The following NBPF10 variants were observed in gnomAD, a reference collection of about 807,000 sequenced individuals.
NBPF10 encodes the protein NBPF family member NBPF10.
NBPF10 carries 63 observed loss-of-function variants against 77.9 expected under a neutral mutation model. The observed-to-expected ratio is 0.81, with a 90% CI of 0.66 to 1.00. The LOEUF (loss-of-function observed/expected upper bound fraction) is 1.00, where lower values mean the gene tolerates loss of function less well. NBPF10 is among the 50% of genes least tolerant of loss of function. The pLI is 0.00. For synonymous variants in NBPF10, 146 were observed against 264.5 expected (o/e 0.55, Z 4.35); for missense variants, 522 against 679.8 (o/e 0.77, Z 2.58).
intron 88 of NBPF10, 48 bp from the exon 89 acceptor site, chr1:146,067,336 C>A (rs782120756): frequency 4.3e-6 from 2 of 460,130 alleles, no homozygotes; most frequent in Admixed American, 3.8e-5. Context: ...GATTCCCCTA[C>A]ACACATAAAA....
chr1:146,121,874 C>G (rs113228763), intron 19 of NBPF10, among the ~76,000 whole-genome samples: 3 of 141,786 alleles, frequency 2.1e-5, no homozygotes, highest in Non-Finnish European at 3.1e-5. Context: ...GAGAGAGAGA[C>G]AGAGACAGAG....
chr1:146,126,530 A>T, intron 13 of NBPF10, 122 bp from the exon 14 acceptor site: 1 of 713,326 alleles, frequency 1.4e-6, no homozygotes, highest in Non-Finnish European at 2.6e-6. Context: ...TCCATTAATG[A>T]GGTAACAAAT....
At chr1:146,137,636 G>A (rs1368837338) in intron 6 of NBPF10, among the ~76,000 whole-genome samples, 18 of 131,882 alleles carry the variant, frequency 1.4e-4, no homozygotes, top group African/African-American at 4.0e-4. Flanking sequence ...TGATCTGCCC[G>A]CCTCAGCCTC....
chr1:146,126,567 G>C (rs199621927), intron 13 of NBPF10, among the ~76,000 whole-genome samples, 159 bp from the exon 14 acceptor site: 2 of 147,296 alleles, frequency 1.4e-5, no homozygotes, highest in South Asian at 2.2e-4. Flanking sequence ...GGATTGACTA[G>C]GGCCAGGTAG....
At chr1:146,139,433 G>A (rs587772299) in intron 5 of NBPF10, among the ~76,000 whole-genome samples, 1 of 151,066 alleles carries the variant, frequency 6.6e-6, no homozygotes, top group South Asian at 2.1e-4. Context: ...GCTAAGACAA[G>A]CCAATGAAAA....
chr1:146,139,299 CG>C, intron 5 of NBPF10, among the ~76,000 whole-genome samples: 1 of 149,874 alleles, frequency 6.7e-6, no homozygotes, highest in South Asian at 2.2e-4. Flanking sequence ...TTAGTAAAGA[CG>C]GGGTTTCACC....
chr1:146,134,385 C>G, intron 8 of NBPF10, 120 bp from the exon 9 acceptor site: 1 of 790,160 alleles, frequency 1.3e-6, no homozygotes. Context: ...ACTGAAAACT[C>G]TCATGTTTTA....
At chr1:146,067,596 T>G (rs1268255023) in intron 88 of NBPF10, among the ~76,000 whole-genome samples, 1 of 150,830 alleles carries the variant, frequency 6.6e-6, no homozygotes, top group South Asian at 2.1e-4. Context: ...CAATGATTTC[T>G]AGGAGAAAAA....
intron 13 of NBPF10, 139 bp from the exon 14 acceptor site, chr1:146,126,547 C>A: frequency 1.4e-6 from 1 of 707,648 alleles, no homozygotes; most frequent in South Asian, 1.5e-5. Context: ...AAATTATTGC[C>A]TTTATGTTGG....
rs1655821300 is a variant in NBPF10, at chr1:146,073,107, G to C, written c.10131-206C>G. On this transcript the variant is annotated intron_variant, in intron 81 of 89. Coordinates refer to ENST00000583866, the Ensembl canonical transcript of NBPF10. Reference sequence around the variant, plus strand: ...AGAGAAAGACAGGGAGAGGGAGAGAGAGAGAGGGAGGAGAAAGTGAGCTCA... The same window carrying C: ...AGAGAAAGACAGGGAGAGGGAGAGACAGAGAGGGAGGAGAAAGTGAGCTCA... Among the ~76,000 whole-genome samples the C allele has an allele frequency of 2.7e-5, 2 of 73,656 alleles. 1 individual carries two copies. The highest frequency in any genetic ancestry group is 5.0e-5 in the Non-Finnish European group (2 of 40,088). The allele number at this position is 73,656 out of a possible 152,430, so 48.3% of individuals were successfully genotyped here. A position where few individuals can be genotyped will look rare whatever the true frequency, so the allele number is the denominator to read the frequency against.
chr1:146,139,403 C>T (rs1553796384), intron 5 of NBPF10, among the ~76,000 whole-genome samples: 1 of 151,738 alleles, frequency 6.6e-6, no homozygotes, highest in African/African-American at 2.4e-5. Flanking sequence ...CCCACTGCGC[C>T]CAGCCGAGAC....
chr1:146,139,290 T>C (rs1472165224), intron 5 of NBPF10, among the ~76,000 whole-genome samples: 1 of 151,570 alleles, frequency 6.6e-6, no homozygotes, highest in Non-Finnish European at 1.5e-5. Flanking sequence ...TTTGTATTTT[T>C]AGTAAAGACG....
chr1:146,139,092 C>CTTTTTTT (rs782186835), intron 5 of NBPF10, among the ~76,000 whole-genome samples: 3 of 82,436 alleles, frequency 3.6e-5, no homozygotes, highest in South Asian at 4.5e-4. Flanking sequence ...CAGAGACTTA[C>CTTTTTTT]TTTTTTTTTT....
At chr1:146,073,167 C>A (rs1225526502) in intron 81 of NBPF10, among the ~76,000 whole-genome samples, 2 of 62,092 alleles carry the variant, frequency 3.2e-5, no homozygotes, top group Non-Finnish European at 5.8e-5. Context: ...ATGAAGGGGT[C>A]AAAGGACACT....
intron 13 of NBPF10, 49 bp from the exon 14 acceptor site, chr1:146,126,457 C>T: frequency 2.5e-6 from 2 of 790,560 alleles, no homozygotes; most frequent in East Asian, 2.4e-5. Flanking sequence ...AATCAGAAAC[C>T]ACACAGCCCC....
chr1:146,069,637 T>G (rs781978556), exon 86 of NBPF10: 17 of 1,553,418 alleles, frequency 1.1e-5, no homozygotes, highest in African/African-American at 1.5e-5. Flanking sequence ...CAAGACAACC[T>G]GAAGGAGTTG....
In NBPF10 at chr1:146,067,145, C is replaced by A. The variant is rs781944608; in HGVS notation, c.11144+35G>T. 1.1e-5 allele frequency: 7 copies of A among 625,584 alleles called. 2 individuals carry two copies. Among genetic ancestry groups the A allele is most frequent in the Admixed American group, 4.3e-5 (2 of 46,728 alleles). The allele number at this position is 625,584 out of a possible 1,614,324, so 38.8% of individuals were successfully genotyped here. On this transcript the variant is annotated intron_variant, in intron 89 of 89. Transcript: ENST00000583866. ...TGAATCTGTTGCCTCCAGGTGTTAA[C>A]ACAGAACTAAGGATCCACAATTGCT...
chr1:146,128,991 C>A (rs1302655693), intron 11 of NBPF10, among the ~76,000 whole-genome samples: 3 of 151,562 alleles, frequency 2.0e-5, no homozygotes, highest in Non-Finnish European at 4.4e-5. Context: ...ATCTGTAGGT[C>A]GCCATCATCA....
At position 146,126,596 on chromosome 1, in the gene NBPF10, G is replaced by GACACACACACACAC. The variant is rs56881979; in HGVS notation, c.1854-202_1854-189dup. On this transcript the variant is annotated intron_variant, in intron 13 of 89. Coordinates refer to ENST00000583866, the Ensembl canonical transcript of NBPF10. ...CAGGTAGAAAAGGATGAACGAGAAA[G>GACACACACACACAC]ACACACACACACACACACACACACA... Among the ~76,000 whole-genome samples the GACACACACACACAC allele has an allele frequency of 3.8e-3, 427 of 113,442 alleles. 3 individuals carry two copies. The highest frequency in any genetic ancestry group is 9.9e-3 in the East Asian group (41 of 4,156). The allele number at this position is 113,442 out of a possible 152,430, so 74.4% of individuals were successfully genotyped here.
Sources: gnomAD v4.1 joint callset for allele counts (sites outside exome capture counted in the v4.1 genomes callset) on GRCh38, gnomAD v4.1.1 for gene constraint, MANE v1.5 for transcripts, NCBI Gene and HGNC (gene_info 2026-07-23, HGNC 2026-07-21) for gene names.